Variants in HMGCLL1 observed in about 807,000 individuals in gnomAD.
HMGCLL1 encodes 3-hydroxy-3-methylglutaryl-CoA lyase like 1.
In HMGCLL1, 36 loss-of-function variants were observed where a neutral mutation model predicts 39.1. That is an observed-to-expected ratio of 0.92 (90% CI 0.71 to 1.22). The LOEUF is 1.22. HMGCLL1 is among the 50% of genes most tolerant of loss of function. The probability of loss-of-function intolerance (pLI) is 0.00; values close to 1 mark genes in which losing one functional copy is unlikely to be tolerated. For missense variants in HMGCLL1, 451 were observed against 416.5 expected, an observed-to-expected ratio of 1.08 and a Z score of -0.72; for synonymous variants, 149 against 144.0, an observed-to-expected ratio of 1.03 and a Z score of -0.25.
At chr6:55,597,725 T>C in the HMGCLL1 span, among the ~76,000 whole-genome samples, 1 of 152,104 alleles carries the variant, frequency 6.6e-6, no homozygotes, top group Non-Finnish European at 1.5e-5. Context: ...CCAAGTAATA[T>C]GCTAGTTGAA....
At chr6:55,668,641 A>G in the HMGCLL1 span, among the ~76,000 whole-genome samples, 1 of 151,794 alleles carries the variant, frequency 6.6e-6, no homozygotes, top group Non-Finnish European at 1.5e-5. Flanking sequence ...TTTTTCCTTT[A>G]ATATCCTTGA....
At chr6:55,625,712 A>T in the HMGCLL1 span, among the ~76,000 whole-genome samples, 1 of 152,170 alleles carries the variant, frequency 6.6e-6, no homozygotes, top group Non-Finnish European at 1.5e-5. Context: ...CATGGGCTGT[A>T]AGCCAATGGT....
the HMGCLL1 span, among the ~76,000 whole-genome samples, chr6:55,604,600 T>C: frequency 6.6e-6 from 1 of 152,134 alleles, no homozygotes; most frequent in African/African-American, 2.4e-5. Context: ...ACAATGGAAT[T>C]TTCAAGGGCT....
rs1473349464 is a variant in HMGCLL1 at position 55,434,805 on chromosome 6, T to C, written c.*857A>G. ...TAACCTAAAATTATCTTAATATTCT[T>C]AGGATCACAATATTTCCTTGGGCAA... is the stretch of plus-strand genomic sequence containing the variant. On this transcript the variant is annotated 3_prime_UTR_variant, in exon 9 of 9. Transcript: ENST00000274901. 6.6e-6 allele frequency: 1 copy of C among 152,096 alleles called. No individual in the cohort carries two copies. The highest frequency in any genetic ancestry group is 1.5e-5 in the Non-Finnish European group (1 of 67,996). 9.4% of individuals were successfully genotyped at this position (152,096 alleles called of 1,614,324 possible). A position where few individuals can be genotyped will look rare whatever the true frequency, so the allele number is the denominator to read the frequency against.
At position 55,542,087 on chromosome 6, in the gene HMGCLL1, C is replaced by G. The variant is rs1769471655; in HGVS notation, c.162G>C (p.Gly54=). The G allele has an allele frequency of 6.2e-7, 1 of 1,609,862 alleles. No homozygotes were observed. The change falls in exon 2 of 9, where the codon GGG becomes GGC. Residue 54 remains glycine, a synonymous_variant. Coordinates refer to ENST00000274901, the MANE Select transcript of HMGCLL1 (RefSeq NM_001042406.2). ...LPEFVKIVEV[G]PRDGLQNEKV... Reference sequence around the variant, plus strand: ...TTTCATTCTGCAATCCATCCCTAGGCCCAACTTCTACTATTTTAACAAACT... The same window carrying G: ...TTTCATTCTGCAATCCATCCCTAGGGCCAACTTCTACTATTTTAACAAACT...
upstream of HMGCLL1, among the ~76,000 whole-genome samples, chr6:55,579,915 C>T (rs557053170): frequency 2.0e-5 from 3 of 152,250 alleles, no homozygotes; most frequent in East Asian, 5.8e-4. Context: ...GCCTACCTTC[C>T]CCCCCTCACT....
At chr6:55,572,508 T>C (rs1771559259) in intron 1 of HMGCLL1, among the ~76,000 whole-genome samples, 1 of 152,094 alleles carries the variant, frequency 6.6e-6, no homozygotes, top group Admixed American at 6.6e-5. Flanking sequence ...TATATATTCA[T>C]TACCTTTATA....
chr6:55,620,239 T>C, the HMGCLL1 span, among the ~76,000 whole-genome samples: 5 of 152,056 alleles, frequency 3.3e-5, no homozygotes, highest in Non-Finnish European at 7.4e-5. Context: ...CATATGGTGG[T>C]TCTACTTTTA....
chr6:55,653,464 C>A, the HMGCLL1 span, among the ~76,000 whole-genome samples: 2 of 151,934 alleles, frequency 1.3e-5, no homozygotes, highest in East Asian at 3.9e-4. Flanking sequence ...TTTTTATTAC[C>A]AAAAGACATG....
chr6:55,672,454 C>T, the HMGCLL1 span, among the ~76,000 whole-genome samples: 5 of 151,630 alleles, frequency 3.3e-5, no homozygotes, highest in African/African-American at 1.2e-4. Context: ...TATATCTAAC[C>T]TGCTTTCCTA....
intron 1 of HMGCLL1, among the ~76,000 whole-genome samples, chr6:55,573,684 CAA>C (rs1467858446): frequency 8.6e-5 from 13 of 151,798 alleles, no homozygotes; most frequent in Non-Finnish European, 1.9e-4. Context: ...ATGTAAGAAA[CAA>C]ATAAGGCACA....
chr6:55,486,833 A>G (rs1369869407), intron 7 of HMGCLL1, among the ~76,000 whole-genome samples: 1 of 152,112 alleles, frequency 6.6e-6, no homozygotes, highest in Non-Finnish European at 1.5e-5. Flanking sequence ...TAGCAGTTCT[A>G]GAAGCTGGGA....
intron 7 of HMGCLL1, among the ~76,000 whole-genome samples, chr6:55,479,723 A>G (rs1460506848): frequency 6.6e-6 from 1 of 151,740 alleles, no homozygotes; most frequent in Non-Finnish European, 1.5e-5. Context: ...GAAAGCCTGA[A>G]GATTTAAAGG....
At chr6:55,512,039 T>C (rs537214040) in intron 5 of HMGCLL1, 1 of 152,250 alleles carries the variant, frequency 6.6e-6, no homozygotes, top group South Asian at 2.1e-4. Context: ...TTTTCATTTT[T>C]CTGATGAGGC....
In HMGCLL1 at chr6:55,469,481, GTA is replaced by G. The variant is rs202195517; in HGVS notation, c.795+25936_795+25937del. Reference sequence around the variant, plus strand: ...TATGTGTATATATGTGTGTGTGTGTGTATATATATATATGAAGTTAGTTATCT... The same window carrying G: ...TATGTGTATATATGTGTGTGTGTGTGTATATATATATGAAGTTAGTTATCT... On this transcript the variant is annotated intron_variant, in intron 7 of 8. Transcript: ENST00000274901. 5.0e-3 allele frequency among the ~76,000 whole-genome samples: 664 copies of G among 132,024 alleles called. 4 individuals carry two copies. The highest frequency in any genetic ancestry group is 0.019 in the African/African-American group (614 of 31,962). 86.6% of individuals were successfully genotyped at this position (132,024 alleles called of 152,430 possible).
intron 7 of HMGCLL1, among the ~76,000 whole-genome samples, chr6:55,461,292 G>C (rs1222239073): frequency 3.3e-5 from 5 of 151,854 alleles, no homozygotes; most frequent in Non-Finnish European, 7.4e-5. Context: ...TTAGCTTTCT[G>C]AAATCTCCAA....
At position 55,460,190 on chromosome 6, in the gene HMGCLL1, G is replaced by A. The variant is rs557826965; in HGVS notation, c.796-20631C>T. On this transcript the variant is annotated intron_variant, in intron 7 of 8. Transcript: ENST00000274901. ...TGTGTTTTAGAAATTTTAGAGAGGTGGGACTCTTCCAGGCAGTCTCTCACT... is the reference window on the plus strand; with the variant it reads ...TGTGTTTTAGAAATTTTAGAGAGGTAGGACTCTTCCAGGCAGTCTCTCACT... 2.9e-3 allele frequency among the ~76,000 whole-genome samples: 448 copies of A among 152,006 alleles called. 3 individuals carry two copies. The highest frequency in any genetic ancestry group is 9.1e-3 in the African/African-American group (380 of 41,544).
chr6:55,640,157 T>A, the HMGCLL1 span, among the ~76,000 whole-genome samples: 2 of 151,658 alleles, frequency 1.3e-5, no homozygotes, highest in Admixed American at 1.3e-4. Flanking sequence ...GAGGGGCAGG[T>A]GGGAGATAAG....
the HMGCLL1 span, among the ~76,000 whole-genome samples, chr6:55,604,212 C>T: frequency 6.6e-6 from 1 of 152,236 alleles, no homozygotes; most frequent in South Asian, 2.1e-4. Flanking sequence ...AAGTTTCCTA[C>T]TGTCAAAGAA....
Sources: gnomAD v4.1 joint callset for allele counts (sites outside exome capture counted in the v4.1 genomes callset) on GRCh38, gnomAD v4.1.1 for gene constraint, MANE v1.5 for transcripts, NCBI Gene and HGNC (gene_info 2026-07-23, HGNC 2026-07-21) for gene names.